CCDC81: variants seen among roughly 807,000 people sequenced by gnomAD.
CCDC81 encodes coiled-coil domain containing 81, also known as coiled-coil domain-containing protein 81.
Under a neutral mutation model 83.7 loss-of-function variants are expected in CCDC81, and 79 were observed. The observed-to-expected ratio is 0.94, with a 90% CI of 0.79 to 1.14. The LOEUF (loss-of-function observed/expected upper bound fraction) is 1.14, where lower values mean the gene tolerates loss of function less well. Ranked by LOEUF, CCDC81 falls within the 50% of genes most tolerant of loss-of-function variation. CCDC81 has a pLI of 0.00. For synonymous variants in CCDC81, 252 were observed against 278.1 expected (o/e 0.91, Z 0.93); for missense variants, 791 against 778.1 (o/e 1.02, Z -0.20).
chr11:86,380,019 T>C (rs1339015071), intron 1 of CCDC81, among the ~76,000 whole-genome samples: 2 of 146,562 alleles, frequency 1.4e-5, no homozygotes, highest in African/African-American at 2.6e-5. Flanking sequence ...TACCTTCACT[T>C]ATTCCTTCTT....
At chr11:86,395,928 ACT>A (rs1182396715) in intron 5 of CCDC81, among the ~76,000 whole-genome samples, 1 of 151,838 alleles carries the variant, frequency 6.6e-6, no homozygotes, top group East Asian at 1.9e-4. Context: ...TGGCCCATTT[ACT>A]CTTTTTTAAA....
chr11:86,400,036 T>G (rs1479064311), intron 6 of CCDC81, among the ~76,000 whole-genome samples: 2 of 145,000 alleles, frequency 1.4e-5, no homozygotes, highest in African/African-American at 5.1e-5. Flanking sequence ...GAGGCTGAGG[T>G]GGGAGAATTG....
intron 3 of CCDC81, among the ~76,000 whole-genome samples, chr11:86,390,842 C>G (rs1342179918): frequency 6.6e-6 from 1 of 152,052 alleles, no homozygotes; most frequent in Non-Finnish European, 1.5e-5. Flanking sequence ...TGCTTTTGCA[C>G]ATGCTGAATT....
At chr11:86,400,471 C>A (rs570106433) in intron 6 of CCDC81, among the ~76,000 whole-genome samples, 1 of 152,192 alleles carries the variant, frequency 6.6e-6, no homozygotes, top group Non-Finnish European at 1.5e-5. Flanking sequence ...TATGTTATTG[C>A]CTCTTTTTGT....
rs1593912203 is a variant in CCDC81 at position 86,387,371 on chromosome 11, G to A, written c.142-145G>A. ...ATTTGAAAACTTAGAATTATAAAAT[G>A]CTATAGCTCTGAAGAGTCCTAGAGA... On this transcript the variant is annotated intron_variant, in intron 2 of 14. Coordinates refer to ENST00000445632, the MANE Select transcript of CCDC81 (RefSeq NM_001156474.2). 4.5e-6 allele frequency: 3 copies of A among 661,600 alleles called. No homozygotes were observed. In the East Asian group the frequency reaches 8.1e-5, roughly 18 times the overall value. 41.0% of individuals were successfully genotyped at this position (661,600 alleles called of 1,614,324 possible). A position where few individuals can be genotyped will look rare whatever the true frequency, so the allele number is the denominator to read the frequency against.
chr11:86,415,368 T>C, intron 13 of CCDC81, 55 bp downstream of exon 13: 1 of 1,398,302 alleles, frequency 7.2e-7, no homozygotes, highest in Non-Finnish European at 1.0e-6. Flanking sequence ...TTCCGCTTCC[T>C]TTATCTCTCT....
chr11:86,412,321 C>A, intron 10 of CCDC81, 66 bp from the exon 11 acceptor site: 1 of 1,227,668 alleles, frequency 8.1e-7, no homozygotes. Context: ...TTATCTTAGT[C>A]TTCTGAATTA....
chr11:86,380,588 C>T (rs1948164153), intron 1 of CCDC81, among the ~76,000 whole-genome samples: 1 of 152,072 alleles, frequency 6.6e-6, no homozygotes, highest in Non-Finnish European at 1.5e-5. Context: ...TACACACCTT[C>T]TGTAGTTGCC....
Position 86,422,659 on chromosome 11 carries a change from G to A in CCDC81, c.1903G>A (p.Glu635Lys), listed in dbSNP as rs778361099. ...CCAGAGGCGCACCTCCAACGTGGGC[G>A]AGAGCAACCTGTGGCCCCTGAACAA... ...QCQRRTSNVG[E>K]SNLWPLNKFL... Residue 635 changes from glutamate to lysine, a missense_variant, in exon 15 of 15, where the codon GAG becomes AAG. Physicochemically the swap from Glu to Lys is moderately conservative, Grantham distance 56. Coordinates refer to ENST00000445632, the MANE Select transcript of CCDC81 (RefSeq NM_001156474.2). 6.8e-6 allele frequency: 11 copies of A among 1,614,028 alleles called. 1 individual carries two copies. The highest frequency in any genetic ancestry group is 3.3e-5 in the South Asian group (3 of 91,084).
intron 3 of CCDC81, among the ~76,000 whole-genome samples, chr11:86,390,699 G>A (rs1410543413): frequency 6.6e-6 from 1 of 152,132 alleles, no homozygotes; most frequent in Non-Finnish European, 1.5e-5. Context: ...GTGGTGGGTA[G>A]GAAGAGGAAG....
At chr11:86,375,555 C>A (rs1018744524) in intron 1 of CCDC81, among the ~76,000 whole-genome samples, 3 of 152,200 alleles carry the variant, frequency 2.0e-5, no homozygotes, top group Non-Finnish European at 2.9e-5. Flanking sequence ...GGATGGATCA[C>A]AACCCTTTTG....
At chr11:86,411,810 CT>C (rs1199278679) in intron 10 of CCDC81, among the ~76,000 whole-genome samples, 3 of 152,092 alleles carry the variant, frequency 2.0e-5, no homozygotes, top group Non-Finnish European at 1.5e-5. Flanking sequence ...GAAATTGACC[CT>C]TTTGGTCTTA....
At chr11:86,383,338 T>C (rs922774816) in intron 1 of CCDC81, among the ~76,000 whole-genome samples, 10 of 152,232 alleles carry the variant, frequency 6.6e-5, no homozygotes, top group African/African-American at 2.4e-4. Context: ...TTTTAGAAGA[T>C]AAGTTTTATA....
rs749681291 is a variant in CCDC81 at position 86,407,765 on chromosome 11, G to C, written c.969+64G>C. On this transcript the variant is annotated intron_variant, in intron 8 of 14. Transcript: ENST00000445632. ...TATACTGATTTTTGTTTCTCAAAGA[G>C]AGTTCTGGGAATCTCTCTTCCTTAA... 59 of 1,231,320 alleles carry C rather than the reference G, an allele frequency of 4.8e-5. 1 individual carries two copies. In the South Asian group the frequency reaches 7.1e-4, roughly 15 times the overall value. 76.3% of individuals were successfully genotyped at this position (1,231,320 alleles called of 1,614,324 possible). A position where few individuals can be genotyped will look rare whatever the true frequency, so the allele number is the denominator to read the frequency against.
chr11:86,398,242 C>T (rs986936745), intron 6 of CCDC81, among the ~76,000 whole-genome samples: 1 of 152,194 alleles, frequency 6.6e-6, no homozygotes, highest in South Asian at 2.1e-4. Flanking sequence ...TCCTATGACT[C>T]TCAGGCTCTT....
intron 9 of CCDC81, 92 bp downstream of exon 9, chr11:86,408,362 T>A: frequency 5.9e-6 from 7 of 1,193,774 alleles, no homozygotes; most frequent in Non-Finnish European, 7.9e-6. Flanking sequence ...GCGCAGGGTC[T>A]CACTCTGTCA....
At chr11:86,377,968 CTTTTTTT>C (rs61157417) in intron 1 of CCDC81, among the ~76,000 whole-genome samples, 3 of 73,350 alleles carry the variant, frequency 4.1e-5, no homozygotes, top group African/African-American at 5.2e-5. Flanking sequence ...TGCCTAGGTT[CTTTTTTT>C]TTTTTTTTTT....
At position 86,397,696 on chromosome 11, in the gene CCDC81, G is replaced by A. The variant is rs1160981532; in HGVS notation, c.711G>A (p.Arg237=). ...AAGAATGTGGAGAGAATAGAGAAAG[G>A]AAGTGCAAGTTAAAAGACCAGTCAG... is the stretch of plus-strand genomic sequence containing the variant. ...LVEECGENRE[R]KCKLKDQSDK... is the part of the protein sequence containing the mutation. Residue 237 remains arginine (R), a synonymous_variant, in exon 6 of 15, where the codon AGG becomes AGA. Coordinates refer to ENST00000445632, the MANE Select transcript of CCDC81 (RefSeq NM_001156474.2). 3 of 1,613,844 alleles carry A rather than the reference G, an allele frequency of 1.9e-6. No individual in the cohort carries two copies. Among genetic ancestry groups the A allele is most frequent in the Non-Finnish European group, 2.5e-6 (3 of 1,179,880 alleles).
intron 13 of CCDC81, among the ~76,000 whole-genome samples, chr11:86,416,724 T>C (rs1217211705): frequency 6.6e-6 from 1 of 152,204 alleles, no homozygotes; most frequent in Admixed American, 6.5e-5. Flanking sequence ...TTACTGGTTA[T>C]GGCAGATTCT....
Sources: allele counts gnomAD v4.1 joint callset (sites outside exome capture counted in the v4.1 genomes callset), GRCh38; gene constraint gnomAD v4.1.1; transcripts MANE v1.5; gene names NCBI Gene and HGNC (gene_info 2026-07-23, HGNC 2026-07-21).